Variants in CCDC171 observed in about 807,000 individuals in gnomAD.
CCDC171 encodes coiled-coil domain containing 171, also known as coiled-coil domain-containing protein 171.
CCDC171 carries 177 observed loss-of-function variants against 168.2 expected under a neutral mutation model. That is an observed-to-expected ratio of 1.05 (90% CI 0.93 to 1.19). CCDC171 has a LOEUF of 1.19. Ranked by LOEUF, CCDC171 falls within the 50% of genes most tolerant of loss-of-function variation. CCDC171 has a pLI of 0.00. For synonymous variants in CCDC171, 687 were observed against 540.8 expected (o/e 1.27, Z -3.75); for missense variants, 1,991 against 1,539.0 (o/e 1.29, Z -4.91).
At chr9:16,060,984 C>A (rs1833924358) in exon 2 of CCDC171, 1 of 152,204 alleles carries the variant, frequency 6.6e-6, no homozygotes, top group South Asian at 2.1e-4. Flanking sequence ...TGCAGTTTTT[C>A]CATTTGAGTG....
the CCDC171 span, among the ~76,000 whole-genome samples, chr9:16,105,826 C>A: frequency 6.6e-6 from 1 of 152,302 alleles, no homozygotes; most frequent in Middle Eastern, 3.4e-3. Flanking sequence ...GTATCACAAG[C>A]AATTTGTGTA....
chr9:15,863,778 C>T (rs1200021654), intron 23 of CCDC171, among the ~76,000 whole-genome samples: 1 of 151,912 alleles, frequency 6.6e-6, no homozygotes. Flanking sequence ...GCTATACTTT[C>T]TTTTTTCGTG....
chr9:15,557,712 C>A (rs1343178040), intron 1 of CCDC171, among the ~76,000 whole-genome samples: 2 of 151,990 alleles, frequency 1.3e-5, no homozygotes, highest in Admixed American at 6.6e-5. Context: ...CTCTTTTCCT[C>A]ATTGAATACC....
chr9:16,076,956 A>C, the CCDC171 span, among the ~76,000 whole-genome samples: 2 of 152,204 alleles, frequency 1.3e-5, no homozygotes, highest in Admixed American at 1.3e-4. Context: ...AATGGCTTGG[A>C]TATTTGGATA....
chr9:15,686,832 G>C (rs7847148), intron 10 of CCDC171, among the ~76,000 whole-genome samples: 1 of 152,144 alleles, frequency 6.6e-6, no homozygotes, highest in Non-Finnish European at 1.5e-5. Flanking sequence ...TACCCCACTT[G>C]CAGTAATGGG....
At chr9:15,601,142 C>G (rs1257787786) in intron 6 of CCDC171, among the ~76,000 whole-genome samples, 1 of 152,190 alleles carries the variant, frequency 6.6e-6, no homozygotes, top group Non-Finnish European at 1.5e-5. Flanking sequence ...ACCCACTGTC[C>G]TGCACCCACT....
At chr9:15,945,545 T>C (rs1828249601) in intron 25 of CCDC171, among the ~76,000 whole-genome samples, 1 of 141,146 alleles carries the variant, frequency 7.1e-6, no homozygotes, top group Non-Finnish European at 1.5e-5. Flanking sequence ...GCACCTGTTG[T>C]TTCCTGACTT....
intron 24 of CCDC171, among the ~76,000 whole-genome samples, chr9:15,901,622 G>C (rs1355636223): frequency 6.6e-6 from 1 of 151,936 alleles, no homozygotes; most frequent in Non-Finnish European, 1.5e-5. Context: ...AATTATACAA[G>C]ATAATAAATT....
chr9:15,642,611 T>A lies in CCDC171; in HGVS notation c.823-14516T>A, dbSNP rs531703821. Among the ~76,000 whole-genome samples the A allele has an allele frequency of 3.3e-5, 5 of 152,008 alleles. 1 individual carries two copies. In the South Asian group the frequency reaches 6.2e-4, roughly 19 times the overall value. ...AAAAATTATTAAGAAGGCTTAAATT[T>A]CATTATGTCTATCAACAAACCCTAC... On this transcript the variant is annotated intron_variant, in intron 7 of 25. Coordinates refer to ENST00000380701, the MANE Select transcript of CCDC171 (RefSeq NM_173550.4).
intron 8 of CCDC171, among the ~76,000 whole-genome samples, chr9:15,663,669 G>A (rs2048495745): frequency 6.7e-6 from 1 of 148,238 alleles, no homozygotes; most frequent in Middle Eastern, 3.6e-3. Context: ...GCAGTGGCGC[G>A]ATCTTGGCTC....
chr9:15,792,341 GTC>G (rs1378603398), intron 21 of CCDC171, among the ~76,000 whole-genome samples: 1 of 152,190 alleles, frequency 6.6e-6, no homozygotes, highest in Non-Finnish European at 1.5e-5. Context: ...CCAGATCTAC[GTC>G]TGTTTGGTGT....
intron 24 of CCDC171, among the ~76,000 whole-genome samples, chr9:15,894,880 G>T (rs1820697657): frequency 6.6e-6 from 1 of 152,098 alleles, no homozygotes; most frequent in South Asian, 2.1e-4. Flanking sequence ...TCACCAAAAT[G>T]TAAGATCCAA....
intron 3 of CCDC171, among the ~76,000 whole-genome samples, chr9:16,015,009 C>T (rs567388708): frequency 6.6e-6 from 1 of 152,144 alleles, no homozygotes; most frequent in South Asian, 2.1e-4. Context: ...AAGACTGTTT[C>T]GTCTACATTA....
At chr9:15,675,662 G>T (rs936568738) in intron 9 of CCDC171, among the ~76,000 whole-genome samples, 16 of 152,118 alleles carry the variant, frequency 1.1e-4, no homozygotes, top group Admixed American at 9.8e-4. Flanking sequence ...GAAATTCTGG[G>T]TTGAAAATTC....
intron 21 of CCDC171, among the ~76,000 whole-genome samples, chr9:15,795,331 C>G (rs2058496707): frequency 6.6e-6 from 1 of 152,136 alleles, no homozygotes; most frequent in Non-Finnish European, 1.5e-5. Context: ...GCCCTGATGA[C>G]CTAATCACCT....
chr9:16,041,495 A>G (rs1473197898), upstream of CCDC171, among the ~76,000 whole-genome samples: 1 of 152,164 alleles, frequency 6.6e-6, no homozygotes, highest in Non-Finnish European at 1.5e-5. Flanking sequence ...GTTTCATGGT[A>G]AAGGGAGGGC....
At chr9:15,906,397 A>G (rs1047187117) in intron 24 of CCDC171, among the ~76,000 whole-genome samples, 2 of 152,228 alleles carry the variant, frequency 1.3e-5, no homozygotes, top group Non-Finnish European at 2.9e-5. Context: ...GTAATCCAGC[A>G]TATAAAAGAA....
At chr9:15,977,306 C>A (rs1831653928), downstream of CCDC171, among the ~76,000 whole-genome samples, 1 of 152,148 alleles carries the variant, frequency 6.6e-6, no homozygotes, top group Non-Finnish European at 1.5e-5. Context: ...ATCTTGTGGG[C>A]AAATTACATT....
At chr9:15,837,845 T>C (rs546322919) in intron 21 of CCDC171, among the ~76,000 whole-genome samples, 1 of 152,340 alleles carries the variant, frequency 6.6e-6, no homozygotes, top group African/African-American at 2.4e-5. Context: ...CCAACCCTTT[T>C]AGAAAGCCTT....
Sources: gnomAD v4.1 joint callset for allele counts (sites outside exome capture counted in the v4.1 genomes callset) on GRCh38, gnomAD v4.1.1 for gene constraint, MANE v1.5 for transcripts, NCBI Gene and HGNC (gene_info 2026-07-23, HGNC 2026-07-21) for gene names.